Variants in ABCA3 observed in about 807,000 individuals in gnomAD.
The protein encoded by ABCA3 is ATP binding cassette subfamily A member 3.
A neutral mutation model predicts 172.8 loss-of-function variants in ABCA3; 88 were observed. The ratio of observed to expected loss-of-function variants is 0.51; its 90% confidence interval spans 0.43 to 0.61. The LOEUF is 0.61. Ranked by LOEUF, ABCA3 falls within the 20% of genes least tolerant of loss-of-function variation. The probability of loss-of-function intolerance (pLI) is 0.00; values close to 1 mark genes in which losing one functional copy is unlikely to be tolerated. For missense variants in ABCA3, 2,164 were observed against 2,301.0 expected, an observed-to-expected ratio of 0.94 and a Z score of 1.22; for synonymous variants, 1,066 against 983.8, an observed-to-expected ratio of 1.08 and a Z score of -1.56.
chr16:2,300,159 A>G lies in ABCA3; in HGVS notation c.1468-11T>C, dbSNP rs2093686715. 2 of 1,613,190 alleles carry G rather than the reference A, an allele frequency of 1.2e-6. No individual in the cohort carries two copies. The highest frequency in any genetic ancestry group is 1.3e-5 in the African/African-American group (1 of 74,722). ...ACACCAATAGGAGGGCTGGGAGGGA[A>G]GCAGACAGCTGTCAGTTTGTTTTGT... On this transcript the variant is annotated splice_polypyrimidine_tract_variant and intron_variant, in intron 12 of 32. Coordinates refer to ENST00000301732, the MANE Select transcript of ABCA3 (RefSeq NM_001089.3).
chr16:2,284,162 C>A lies in ABCA3; in HGVS notation c.3862+117G>T, dbSNP rs45452892. On this transcript the variant is annotated intron_variant, in intron 25 of 32. Coordinates refer to ENST00000301732, the MANE Select transcript of ABCA3 (RefSeq NM_001089.3). This position sits in a 1 kb window ranked among gnomAD's most constrained non-coding sequence, Gnocchi z 5.9. ...GGTGGGGCAAGGCGGTACAGAGGAA[C>A]GCACCAGCCCCAGGCCACTCAGACG... 416,989 of 1,312,440 alleles carry A rather than the reference C, an allele frequency of 0.32. 70,862 individuals are homozygous for A. The highest frequency in any genetic ancestry group is 0.53 in the East Asian group (20,717 of 39,354). 81.3% of individuals were successfully genotyped at this position (1,312,440 alleles called of 1,614,324 possible).
chr16:2,286,649 C>T lies in ABCA3; in HGVS notation c.3278+45G>A, dbSNP rs1345746733. The T allele has an allele frequency of 1.2e-6, 2 of 1,610,870 alleles. No homozygotes were observed. The highest frequency in any genetic ancestry group is 1.7e-6 in the Non-Finnish European group (2 of 1,179,438). On this transcript the variant is annotated intron_variant, in intron 22 of 32. Transcript: ENST00000301732. The surrounding 1 kb of genome is among the most constrained non-coding windows in gnomAD (Gnocchi z 5.2). ...GTGGCAGTGCCCAGGGCAGTCAGTCCTGGGGGCTCTGGCCAGGGCAGACAG... is the reference window on the plus strand; with the variant it reads ...GTGGCAGTGCCCAGGGCAGTCAGTCTTGGGGGCTCTGGCCAGGGCAGACAG...
chr16:2,328,801 C>T (rs764229057), intron 2 of ABCA3, 44 bp from the exon 3 acceptor site: 43 of 236,558 alleles, frequency 1.8e-4, no homozygotes, highest in South Asian at 1.5e-3. Context: ...TTAAGATGCA[C>T]GGGATAGAAA....
chr16:2,286,836 C>T lies in ABCA3; in HGVS notation c.3136G>A (p.Ala1046Thr). The T allele has an allele frequency of 6.2e-7, 1 of 1,614,144 alleles. No homozygotes were observed. The highest frequency in any genetic ancestry group is 8.5e-7 in the Non-Finnish European group (1 of 1,180,036). ...AGGGCAGTGGCTGGAGAGTGGTACG[C>T]CTGGTTGTTGAACAAGGCGTTGACG... ...TVVNALFNNQ[A>T]YHSPATALAV... Residue 1046 changes from alanine to threonine, a missense_variant, in exon 22 of 33, where the codon GCG (alanine) becomes ACG (threonine). Transcript: ENST00000301732. This position sits in a 1 kb window ranked among gnomAD's most constrained non-coding sequence, Gnocchi z 5.2.
At chr16:2,296,049 G>C (rs557761903) in intron 17 of ABCA3, among the ~76,000 whole-genome samples, 52 of 152,198 alleles carry the variant, frequency 3.4e-4, no homozygotes, top group African/African-American at 1.1e-3. Context: ...CAGCAGCGAC[G>C]GACCACGTGT....
intron 1 of ABCA3, among the ~76,000 whole-genome samples, chr16:2,336,791 A>G (rs908143573): frequency 1.3e-5 from 2 of 152,024 alleles, no homozygotes; most frequent in Admixed American, 1.3e-4. Context: ...GGATTCAATG[A>G]GAGTTTATAA....
At chr16:2,316,877 G>A (rs1300467245) in intron 10 of ABCA3, among the ~76,000 whole-genome samples, 1 of 152,136 alleles carries the variant, frequency 6.6e-6, no homozygotes, top group East Asian at 1.9e-4. Flanking sequence ...GAGGTAAAAG[G>A]CACTACAGAA....
chr16:2,301,236 A>T (rs1480331355), intron 12 of ABCA3, among the ~76,000 whole-genome samples: 1 of 149,972 alleles, frequency 6.7e-6, no homozygotes, highest in Non-Finnish European at 1.5e-5. Context: ...GTCTCAAAAA[A>T]AAAAAAAAAA....
rs1222301984 is a variant in ABCA3 at position 2,279,227 on chromosome 16, C to T, written c.4360-97G>A. On this transcript the variant is annotated intron_variant, in intron 28 of 32. Coordinates refer to ENST00000301732, the MANE Select transcript of ABCA3 (RefSeq NM_001089.3). The surrounding 1 kb of genome is among the most constrained non-coding windows in gnomAD (Gnocchi z 4.4). ...ACTACCCTTGAGGTGCCCACCACTG[C>T]GCCTGTCTGTGGTTCCTGCCAGTGT... 5.0e-6 allele frequency: 7 copies of T among 1,403,764 alleles called. No homozygotes were observed. Among genetic ancestry groups the T allele is most frequent in the East Asian group, 2.4e-5 (1 of 41,100 alleles). The allele number at this position is 1,403,764 out of a possible 1,614,324, so 87.0% of individuals were successfully genotyped here.
rs111555034 is a variant in ABCA3, at chr16:2,297,704, C to A, written c.2052+62G>T. 1.9e-6 allele frequency: 3 copies of A among 1,601,690 alleles called. No homozygotes were observed. Among genetic ancestry groups the A allele is most frequent in the Non-Finnish European group, 2.5e-6 (3 of 1,179,396 alleles). ...AAGGGCCAAGGTGCCCGGGCCATGGCGGAAGGGCCATCCCAGGTCGAGCAG... is the reference window on the plus strand; with the variant it reads ...AAGGGCCAAGGTGCCCGGGCCATGGAGGAAGGGCCATCCCAGGTCGAGCAG... On this transcript the variant is annotated intron_variant, in intron 16 of 32. Transcript: ENST00000301732. The surrounding 1 kb of genome is among the most constrained non-coding windows in gnomAD (Gnocchi z 5.6).
chr16:2,327,100 G>A (rs920634961), intron 3 of ABCA3, among the ~76,000 whole-genome samples: 28 of 152,144 alleles, frequency 1.8e-4, no homozygotes, highest in African/African-American at 6.5e-4. Context: ...TGTGACTTCT[G>A]CAGTAGTTTT....
Position 2,319,709 on chromosome 16 carries a change from G to T in ABCA3, c.745C>A (p.Pro249Thr). The T allele has an allele frequency of 1.2e-6, 2 of 1,613,770 alleles. No individual in the cohort carries two copies. The highest frequency in any genetic ancestry group is 1.7e-6 in the Non-Finnish European group (2 of 1,179,998). ...TVTIKRFPYP[P>T]FIADPFLVAI... ...ACGAGGAAGGGGTCTGCGATGAACGGCGGGTACGGGAACCTCTTGATGGTC... is the reference window on the plus strand; with the variant it reads ...ACGAGGAAGGGGTCTGCGATGAACGTCGGGTACGGGAACCTCTTGATGGTC... The change falls in exon 8 of 33, where the codon CCG becomes ACG. Residue 249 changes from proline to threonine, a missense_variant. Coordinates refer to ENST00000301732, the MANE Select transcript of ABCA3 (RefSeq NM_001089.3).
At chr16:2,282,576 C>T (rs2238464) in intron 26 of ABCA3, among the ~76,000 whole-genome samples, 38,810 of 150,460 alleles carry the variant, frequency 0.26, 6,400 homozygotes, top group East Asian at 0.51. Flanking sequence ...ACACGTGGAG[C>T]ACCCCTCAGC....
chr16:2,308,630 G>A lies in ABCA3; in HGVS notation c.1112-7C>T, dbSNP rs2141719981. On this transcript the variant is annotated splice_polypyrimidine_tract_variant and splice_region_variant and intron_variant, in intron 10 of 32. Coordinates refer to ENST00000301732, the MANE Select transcript of ABCA3 (RefSeq NM_001089.3). The stretch of plus-strand genomic sequence containing the variant: ...AAGGCTGCTGCCATGTTGGCTGCAG[G>A]TGTTGGAAGACCCGGGGGGCGTGAG... 6.2e-7 allele frequency: 1 copy of A among 1,613,876 alleles called. No individual in the cohort carries two copies. Among genetic ancestry groups the A allele is most frequent in the Non-Finnish European group, 8.5e-7 (1 of 1,179,862 alleles).
intron 10 of ABCA3, among the ~76,000 whole-genome samples, chr16:2,308,870 C>T (rs556021635): frequency 1.3e-4 from 20 of 152,316 alleles, no homozygotes; most frequent in African/African-American, 4.6e-4. Context: ...GCCCCTCCTC[C>T]ACCTCCCATC....
Position 2,278,534 on chromosome 16 carries a change from G to A in ABCA3, c.4548-76C>T, listed in dbSNP as rs376671525. The A allele has an allele frequency of 1.5e-5, 24 of 1,559,772 alleles. No homozygotes were observed. The African/African-American group carries it at 1.8e-4, about 11-fold the overall frequency. On this transcript the variant is annotated intron_variant, in intron 29 of 32. Transcript: ENST00000301732. This position sits in a 1 kb window ranked among gnomAD's most constrained non-coding sequence, Gnocchi z 4.4. ...GGCTCCCATGTCCCAGTGGAGGCCC[G>A]TGTCCCAGCAGCGGCCCACACCCAG...
intron 10 of ABCA3, 124 bp downstream of exon 10, chr16:2,317,159 T>TCAGCTCCTCCCTGGG: frequency 7.0e-7 from 1 of 1,427,984 alleles, no homozygotes; most frequent in Non-Finnish European, 9.7e-7. Context: ...CTTCCCCTGG[T>TCAGCTCCTCCCTGGG]CAGCTCCTCC....
intron 11 of ABCA3, among the ~76,000 whole-genome samples, chr16:2,307,725 C>T (rs2093700107): frequency 1.3e-5 from 2 of 152,146 alleles, no homozygotes; most frequent in African/African-American, 4.8e-5. Flanking sequence ...CCTGCCTCAG[C>T]CTCTCGAGTA....
chr16:2,278,243 C>G lies in ABCA3; in HGVS notation c.4718+45G>C. 1 of 1,603,064 alleles carries G rather than the reference C, an allele frequency of 6.2e-7. No homozygotes were observed. Among genetic ancestry groups the G allele is most frequent in the Non-Finnish European group, 8.5e-7 (1 of 1,179,888 alleles). The stretch of plus-strand genomic sequence containing the variant: ...CTGGCCACCTGGCTCCTCCATGGCC[C>G]ACCCGGTGCTGAAACTTCCAGTAAC... On this transcript the variant is annotated intron_variant, in intron 30 of 32. Coordinates refer to ENST00000301732, the MANE Select transcript of ABCA3 (RefSeq NM_001089.3). This position sits in a 1 kb window ranked among gnomAD's most constrained non-coding sequence, Gnocchi z 4.4.
Sources: gnomAD v4.1 joint callset for allele counts (sites outside exome capture counted in the v4.1 genomes callset) on GRCh38, gnomAD v4.1.1 for gene constraint, Gnocchi (gnomAD v3.1) non-coding constraint, MANE v1.5 for transcripts, NCBI Gene and HGNC (gene_info 2026-07-23, HGNC 2026-07-21) for gene names.